The following RAP1GAP2 variants were observed in gnomAD, a reference collection of about 807,000 sequenced individuals.
The protein encoded by RAP1GAP2 is rap1 GTPase-activating protein 2.
In RAP1GAP2, 27 loss-of-function variants were observed where a neutral mutation model predicts 95.0. The observed-to-expected ratio is 0.28, with a 90% confidence interval of 0.21 to 0.39. RAP1GAP2 has a LOEUF of 0.39. RAP1GAP2 is among the 10% of genes least tolerant of loss of function. RAP1GAP2 has a pLI of 1.00. For synonymous variants in RAP1GAP2, 373 were observed against 380.9 expected (o/e 0.98, Z 0.24); for missense variants, 771 against 970.0 (o/e 0.79, Z 2.72).
intron 17 of RAP1GAP2, 143 bp from the exon 18 acceptor site, chr17:3,017,916 CGT>C (rs56791699): frequency 0.091 from 50,345 of 552,502 alleles, 1,031 homozygotes; most frequent in African/African-American, 0.23. Flanking sequence ...CCTCTGTGAC[CGT>C]GTGTGTGTGT....
intron 17 of RAP1GAP2, among the ~76,000 whole-genome samples, chr17:3,015,890 T>C (rs1465384758): frequency 6.6e-6 from 1 of 151,874 alleles, no homozygotes; most frequent in Non-Finnish European, 1.5e-5. Context: ...AGGTTACACA[T>C]GGGGTGTGTG....
At chr17:2,852,899 C>T (rs1302822491) in intron 2 of RAP1GAP2, among the ~76,000 whole-genome samples, 3 of 152,056 alleles carry the variant, frequency 2.0e-5, no homozygotes, top group Non-Finnish European at 4.4e-5. Context: ...TCCGACCTTC[C>T]GCCCTTCCTT....
chr17:3,009,169 A>G (rs770201180), intron 17 of RAP1GAP2, among the ~76,000 whole-genome samples: 1 of 152,186 alleles, frequency 6.6e-6, no homozygotes, highest in Non-Finnish European at 1.5e-5. Flanking sequence ...TGTCAACAAC[A>G]TAAGGATAGG....
chr17:2,986,811 C>G (rs1037481799), intron 11 of RAP1GAP2, among the ~76,000 whole-genome samples: 1 of 152,100 alleles, frequency 6.6e-6, no homozygotes, highest in Non-Finnish European at 1.5e-5. Context: ...GTGAATCTTG[C>G]AAGAGAAGTG....
upstream of RAP1GAP2, among the ~76,000 whole-genome samples, chr17:2,772,657 T>G (rs2068418547): frequency 6.6e-6 from 1 of 151,970 alleles, no homozygotes; most frequent in Non-Finnish European, 1.5e-5. Flanking sequence ...TAAATTGATT[T>G]AATCTTCATA....
chr17:3,026,549 G>A (rs1038502105), intron 21 of RAP1GAP2, 85 bp downstream of exon 21: 3 of 1,119,068 alleles, frequency 2.7e-6, no homozygotes, highest in African/African-American at 3.1e-5. Flanking sequence ...ACTGTGGATC[G>A]AAGCCCATGT....
At chr17:2,898,589 C>T (rs1304379107) in intron 2 of RAP1GAP2, among the ~76,000 whole-genome samples, 1 of 152,216 alleles carries the variant, frequency 6.6e-6, no homozygotes, top group Non-Finnish European at 1.5e-5. Context: ...GGCAGCTGGG[C>T]TCCCGTGTCC....
At chr17:2,981,677 G>T (rs1353946414) in intron 10 of RAP1GAP2, among the ~76,000 whole-genome samples, 9 of 152,136 alleles carry the variant, frequency 5.9e-5, no homozygotes, top group Admixed American at 4.6e-4. Flanking sequence ...GCCATTGCCT[G>T]TGTTACTGCA....
intron 3 of RAP1GAP2, among the ~76,000 whole-genome samples, chr17:2,930,047 T>C (rs1357069959): frequency 6.6e-6 from 1 of 152,218 alleles, no homozygotes; most frequent in East Asian, 1.9e-4. Flanking sequence ...GGGGCCATGG[T>C]GTGTCACCTG....
chr17:2,795,570 C>T (rs566949728), upstream of RAP1GAP2, among the ~76,000 whole-genome samples: 2 of 152,336 alleles, frequency 1.3e-5, no homozygotes, highest in South Asian at 2.1e-4. Flanking sequence ...CTGCTCTGAC[C>T]TCTGTCTAGA....
chr17:2,948,281 C>G (rs1044665867), intron 3 of RAP1GAP2, among the ~76,000 whole-genome samples: 2 of 152,176 alleles, frequency 1.3e-5, no homozygotes, highest in African/African-American at 4.8e-5. Context: ...TAAACACACC[C>G]CCACCTCCAG....
intron 1 of RAP1GAP2, among the ~76,000 whole-genome samples, chr17:2,767,930 C>T (rs9907269): frequency 0.27 from 41,499 of 151,994 alleles, 6,417 homozygotes; most frequent in Middle Eastern, 0.41. Context: ...AACGAGGTTT[C>T]ACCGTATTAG....
Position 2,809,902 on chromosome 17 carries a change from G to A in RAP1GAP2, c.80+9352G>A, listed in dbSNP as rs528087833. On this transcript the variant is annotated intron_variant, in intron 2 of 24. Coordinates refer to ENST00000254695, the MANE Select transcript of RAP1GAP2 (RefSeq NM_015085.5). ...AGAGACGACGCTGGTGTCTGGGAGCGGGGTGGCACCTTCTATCCCCTTCCT... is the reference window on the plus strand; with the variant it reads ...AGAGACGACGCTGGTGTCTGGGAGCAGGGTGGCACCTTCTATCCCCTTCCT... Among the ~76,000 whole-genome samples, 15 of 152,234 alleles carry A rather than the reference G, an allele frequency of 9.9e-5. No homozygotes were observed. The East Asian group carries it at 1.9e-3, about 20-fold the overall frequency.
At chr17:2,813,408 G>C (rs2151502913) in intron 2 of RAP1GAP2, among the ~76,000 whole-genome samples, 1 of 152,280 alleles carries the variant, frequency 6.6e-6, no homozygotes, top group East Asian at 1.9e-4. Context: ...CATTCCAATA[G>C]GCAGCCAAAC....
chr17:2,975,389 T>G (rs2045067404), intron 8 of RAP1GAP2, among the ~76,000 whole-genome samples: 1 of 152,056 alleles, frequency 6.6e-6, no homozygotes, highest in African/African-American at 2.4e-5. Flanking sequence ...AAAAATGGTG[T>G]GGAAAGATTT....
intron 12 of RAP1GAP2, among the ~76,000 whole-genome samples, chr17:2,994,531 C>G (rs1351787419): frequency 1.3e-5 from 2 of 152,152 alleles, no homozygotes; most frequent in East Asian, 3.9e-4. Flanking sequence ...TAGGGACTAG[C>G]TAGGCAGAAG....
At position 2,997,984 on chromosome 17, in the gene RAP1GAP2, T is replaced by C. The variant is rs527259683; in HGVS notation, c.1045-237T>C. The stretch of plus-strand genomic sequence containing the variant: ...AAGAACCCCCCTGGTTTTCCCCAAA[T>C]AGGAAAGCAACTCAAAAGATACACA... On this transcript the variant is annotated intron_variant, in intron 13 of 24. Transcript: ENST00000254695. Among the ~76,000 whole-genome samples the C allele has an allele frequency of 1.4e-4, 20 of 144,126 alleles. No individual in the cohort carries two copies. The East Asian group carries it at 3.5e-3, about 25-fold the overall frequency. The allele number at this position is 144,126 out of a possible 152,430, so 94.6% of individuals were successfully genotyped here. A position where few individuals can be genotyped will look rare whatever the true frequency, so the allele number is the denominator to read the frequency against.
rs1286890821 is a variant in RAP1GAP2 at position 3,003,666 on chromosome 17, C to T, written c.1201-1703C>T. On this transcript the variant is annotated intron_variant, in intron 14 of 24. Transcript: ENST00000254695. This position sits in a 1 kb window ranked among gnomAD's most constrained non-coding sequence, Gnocchi z 4.1. Reference sequence around the variant, plus strand: ...CCTTCCCCAGAGTCACCTGCATCTGCCTCTCTCCCTCCCTCCAAGCCCTCG... The same window carrying T: ...CCTTCCCCAGAGTCACCTGCATCTGTCTCTCTCCCTCCCTCCAAGCCCTCG... 6.6e-6 allele frequency among the ~76,000 whole-genome samples: 1 copy of T among 152,212 alleles called. No homozygotes were observed. The highest frequency in any genetic ancestry group is 1.9e-4 in the East Asian group (1 of 5,188).
intron 17 of RAP1GAP2, among the ~76,000 whole-genome samples, chr17:3,015,368 G>T (rs1014986537): frequency 3.3e-5 from 5 of 152,144 alleles, no homozygotes; most frequent in African/African-American, 1.2e-4. Flanking sequence ...TGCATCCCTT[G>T]TCAGGATAGA....
Sources: gnomAD v4.1 joint callset for allele counts (sites outside exome capture counted in the v4.1 genomes callset) on GRCh38, gnomAD v4.1.1 for gene constraint, Gnocchi (gnomAD v3.1) non-coding constraint, MANE v1.5 for transcripts, NCBI Gene and HGNC (gene_info 2026-07-23, HGNC 2026-07-21) for gene names.